The following GOLGA1 variants were observed in gnomAD, a reference collection of about 807,000 sequenced individuals.
GOLGA1 encodes the protein golgin A1, also known as golgin subfamily A member 1.
Under a neutral mutation model 119.7 loss-of-function variants are expected in GOLGA1, and 63 were observed. The ratio of observed to expected loss-of-function variants is 0.53; its 90% CI spans 0.43 to 0.65. The LOEUF (loss-of-function observed/expected upper bound fraction) is 0.65, where lower values mean the gene tolerates loss of function less well. Among genes scored for constraint, GOLGA1 ranks in the 30% least tolerant of loss-of-function variants. GOLGA1 has a pLI of 0.00. For synonymous variants in GOLGA1, 318 were observed against 333.4 expected, an observed-to-expected ratio of 0.95 and a Z score of 0.50; for missense variants, 798 against 912.8, an observed-to-expected ratio of 0.87 and a Z score of 1.62.
At chr9:124,894,916 A>C (rs1210318147) in intron 15 of GOLGA1, among the ~76,000 whole-genome samples, 4 of 111,676 alleles carry the variant, frequency 3.6e-5, no homozygotes, top group Non-Finnish European at 6.4e-5. Flanking sequence ...AAAACAGAGA[A>C]CCATCCACAA....
At chr9:124,899,618 C>G (rs184732296) in intron 13 of GOLGA1, 140 bp from the exon 14 acceptor site, 2 of 817,302 alleles carry the variant, frequency 2.4e-6, no homozygotes, top group Non-Finnish European at 3.8e-6. Context: ...TTGCTGAGGT[C>G]CCCCCTGCAG....
intron 3 of GOLGA1, among the ~76,000 whole-genome samples, chr9:124,936,391 CAGG>C (rs1478116731): frequency 6.6e-6 from 1 of 152,026 alleles, no homozygotes; most frequent in Non-Finnish European, 1.5e-5. Context: ...TGTCTATCGC[CAGG>C]AGAAGACAGA....
At chr9:124,897,985 T>G (rs12353472) in intron 15 of GOLGA1, among the ~76,000 whole-genome samples, 17,513 of 152,214 alleles carry the variant, frequency 0.12, 1,385 homozygotes, top group Admixed American at 0.21. Flanking sequence ...TGACAGAATC[T>G]TTCCTCCTTT....
chr9:124,911,740 G>A (rs1830344955), intron 11 of GOLGA1, among the ~76,000 whole-genome samples, 161 bp downstream of exon 11: 2 of 152,192 alleles, frequency 1.3e-5, no homozygotes, highest in African/African-American at 4.8e-5. Flanking sequence ...GGGGACATAA[G>A]GCTCTTTCTG....
At chr9:124,911,210 C>G (rs182610566) in intron 11 of GOLGA1, among the ~76,000 whole-genome samples, 1 of 152,320 alleles carries the variant, frequency 6.6e-6, no homozygotes, top group East Asian at 1.9e-4. Flanking sequence ...GTAGGCCAAT[C>G]TGGAGACTTC....
rs1485161139 is a variant in GOLGA1 at position 124,880,020 on chromosome 9, G to A, written c.*510C>T. The A allele has an allele frequency of 1.3e-5, 2 of 152,594 alleles. No individual in the cohort carries two copies. The highest frequency in any genetic ancestry group is 4.8e-5 in the African/African-American group (2 of 41,440). 9.5% of individuals were successfully genotyped at this position (152,594 alleles called of 1,614,324 possible). A position where few individuals can be genotyped will look rare whatever the true frequency, so the allele number is the denominator to read the frequency against. The stretch of plus-strand genomic sequence containing the variant: ...ACAGGGTGAAAGAATATTTTCTTGA[G>A]AGGAAGGGATAAAAAGCTTCTAACT... On this transcript the variant is annotated 3_prime_UTR_variant, in exon 23 of 23. Transcript: ENST00000373555.
At position 124,881,829 on chromosome 9, in the gene GOLGA1, G is replaced by T. The variant is rs1314190214; in HGVS notation, c.2091C>A (p.Tyr697Ter). 6.2e-7 allele frequency: 1 copy of T among 1,612,716 alleles called. No homozygotes were observed. Among genetic ancestry groups the T allele is most frequent in the Non-Finnish European group, 8.5e-7 (1 of 1,179,342 alleles). Residue 697 changes from tyrosine to a stop codon, truncating the protein, a stop_gained, in exon 21 of 23, where the codon TAC becomes TAA. Transcript: ENST00000373555. LOFTEE classifies it high-confidence loss of function. The surrounding 1 kb of genome is among the most constrained non-coding windows in gnomAD (Gnocchi z 4.9). The stretch of plus-strand genomic sequence containing the variant: ...TGAATTTTAAAACCACATGTTTAAG[G>T]TACTCAAAGTTGATCTCGCGGGCAT... ...LTDAREINFEYLKHVVLKFMS... is the reference protein window; with the variant it reads ...LTDAREINFE
At chr9:124,931,537 T>C in intron 3 of GOLGA1, 131 bp from the exon 4 acceptor site, 1 of 607,290 alleles carries the variant, frequency 1.6e-6, no homozygotes, top group East Asian at 2.8e-5. Context: ...AAGCTGGGCC[T>C]AGTTTCTCTA....
intron 12 of GOLGA1, among the ~76,000 whole-genome samples, chr9:124,903,124 T>C (rs1021031479): frequency 1.3e-5 from 2 of 152,114 alleles, no homozygotes; most frequent in African/African-American, 4.8e-5. Context: ...ACAAAAACCT[T>C]GTACAGGAAC....
At position 124,911,906 on chromosome 9, in the gene GOLGA1, T is replaced by C; in HGVS notation, c.964A>G (p.Lys322Glu). ...CCAAAGAGAACAGAAGTTACCTCTT[T>C]CAGGAGTTCTTGCAAGTGTTCTTCT... ...SGEEHLQELL[K>E]EKTLAEQNLE... Residue 322 changes from lysine to glutamate, a missense_variant, in exon 11 of 23, where the codon AAA becomes GAA. Transcript: ENST00000373555. The C allele has an allele frequency of 6.2e-7, 1 of 1,612,536 alleles. No individual in the cohort carries two copies.
At chr9:124,941,121 G>GT (rs1289043150), upstream of GOLGA1, 4 of 151,900 alleles carry the variant, frequency 2.6e-5, no homozygotes, top group Admixed American at 6.5e-5. Context: ...CTGCGCGGTG[G>GT]GGGGAGGGGG....
Position 124,921,206 on chromosome 9 carries a change from T to C in GOLGA1, c.766A>G (p.Ser256Gly). 6.2e-7 allele frequency: 1 copy of C among 1,612,576 alleles called. No homozygotes were observed. Among genetic ancestry groups the C allele is most frequent in the Non-Finnish European group, 8.5e-7 (1 of 1,178,582 alleles). Residue 256 changes from serine (S) to glycine (G), a missense_variant, in exon 10 of 23, where the codon AGT (serine) becomes GGT (glycine). Ser to Gly is a moderately conservative substitution (Grantham distance 56). Transcript: ENST00000373555. The part of the protein sequence containing the change: ...HVIASKTGAE[S>G]KITALEQKEQ... The stretch of plus-strand genomic sequence containing the variant: ...TTTTGTTCCAGGGCTGTGATCTTAC[T>C]TTCTGCACCTGTTTTTGAAGCTATC...
intron 20 of GOLGA1, 24 bp downstream of exon 20, chr9:124,882,486 G>A (rs1564318747): frequency 2.5e-6 from 4 of 1,585,102 alleles, no homozygotes; most frequent in Non-Finnish European, 3.5e-6. Flanking sequence ...GGGAAGTGGG[G>A]CCAGCTCCCA....
At chr9:124,944,463 CTAA>C (rs1369788319), upstream of GOLGA1, 1 of 112,160 alleles carries the variant, frequency 8.9e-6, no homozygotes, top group Admixed American at 1.0e-4. Context: ...CCATGCCTGG[CTAA>C]TTTTTTTTTT....
At chr9:124,889,627 C>T (rs1829811021) in intron 16 of GOLGA1, 91 bp from the exon 17 acceptor site, 9 of 864,556 alleles carry the variant, frequency 1.0e-5, no homozygotes, top group Non-Finnish European at 1.8e-5. Context: ...CCAGGGTACA[C>T]CACGAATCCC....
chr9:124,928,818 A>G (rs754781281), intron 5 of GOLGA1, among the ~76,000 whole-genome samples: 1 of 152,192 alleles, frequency 6.6e-6, no homozygotes, highest in South Asian at 2.1e-4. Context: ...AAAATGTATG[A>G]TTTATTGCTG....
chr9:124,916,062 A>G (rs1830436100), intron 10 of GOLGA1, among the ~76,000 whole-genome samples: 1 of 151,892 alleles, frequency 6.6e-6, no homozygotes, highest in Non-Finnish European at 1.5e-5. Context: ...AGATCACACC[A>G]CTGCACTCCA....
At chr9:124,892,191 G>A (rs931028396) in intron 15 of GOLGA1, among the ~76,000 whole-genome samples, 3 of 152,194 alleles carry the variant, frequency 2.0e-5, no homozygotes, top group Non-Finnish European at 2.9e-5. Flanking sequence ...CTGACCTCAT[G>A]TGATCCATCC....
chr9:124,910,721 T>C (rs1331423778), intron 11 of GOLGA1, among the ~76,000 whole-genome samples: 2 of 152,154 alleles, frequency 1.3e-5, no homozygotes, highest in Non-Finnish European at 2.9e-5. Flanking sequence ...CACTACCACC[T>C]AAGATCTGCC....
Sources: allele counts gnomAD v4.1 joint callset (sites outside exome capture counted in the v4.1 genomes callset), GRCh38; gene constraint gnomAD v4.1.1; non-coding constraint Gnocchi (gnomAD v3.1); transcripts MANE v1.5; gene names NCBI Gene and HGNC (gene_info 2026-07-23, HGNC 2026-07-21).